The following PRH1 variants were observed in gnomAD, a reference collection of about 807,000 sequenced individuals.
PRH1 encodes proline rich protein HaeIII subfamily 1, also known as salivary acidic proline-rich phosphoprotein 1/2.
PRH1 carries 7 observed loss-of-function variants against 7.9 expected under a neutral mutation model. The observed-to-expected ratio is 0.89, with a 90% CI of 0.50 to 1.67. The LOEUF (loss-of-function observed/expected upper bound fraction) is 1.67, where lower values mean the gene tolerates loss of function less well. Among genes scored for constraint, PRH1 ranks in the 40% most tolerant of loss-of-function variants. PRH1 has a pLI of 0.00. For synonymous variants in PRH1, 45 were observed against 80.8 expected, an observed-to-expected ratio of 0.56 and a Z score of 2.38; for missense variants, 109 against 223.6, an observed-to-expected ratio of 0.49 and a Z score of 3.27.
At chr12:11,042,486 TAAAAAAAAAAA>T (rs140733298) in intron 1 of PRH1, among the ~76,000 whole-genome samples, 1 of 95,016 alleles carries the variant, frequency 1.1e-5, no homozygotes, top group African/African-American at 4.1e-5. Context: ...TCTCCCAGTT[TAAAAAAAAAAA>T]AAAAAAAAAG....
At chr12:10,917,274 G>C (rs1949985659) in intron 2 of PRH1, among the ~76,000 whole-genome samples, 1 of 152,056 alleles carries the variant, frequency 6.6e-6, no homozygotes, top group African/African-American at 2.4e-5. Context: ...TCTTCAGAGA[G>C]AAAAATTCCT....
chr12:10,983,122 T>G lies in PRH1; in HGVS notation c.-125-9401A>C, dbSNP rs74589771. Among the ~76,000 whole-genome samples, 1,361 of 152,268 alleles carry G rather than the reference T, an allele frequency of 8.9e-3. 16 individuals are homozygous for G. The highest frequency in any genetic ancestry group is 0.011 in the Non-Finnish European group (765 of 68,018). ...TTGCTACAGGCATGCATAGTGGGCA[T>G]TATAGGACTCTGTGCATGCCTCTCA... On this transcript the variant is annotated intron_variant, in intron 1 of 3. Transcript: ENST00000539853.
At chr12:11,067,339 TG>T (rs1316011882) in intron 1 of PRH1, among the ~76,000 whole-genome samples, 2 of 152,222 alleles carry the variant, frequency 1.3e-5, no homozygotes, top group African/African-American at 4.8e-5. Context: ...AGACACATTT[TG>T]GGATAATAGG....
chr12:11,010,672 C>A (rs375631633), intron 1 of PRH1, among the ~76,000 whole-genome samples: 1 of 151,760 alleles, frequency 6.6e-6, no homozygotes, highest in Non-Finnish European at 1.5e-5. Context: ...TGTGTCATAT[C>A]CTTTCCAAAA....
chr12:10,999,488 C>T (rs546457706), intron 1 of PRH1, among the ~76,000 whole-genome samples: 7 of 152,180 alleles, frequency 4.6e-5, no homozygotes, highest in South Asian at 4.1e-4. Flanking sequence ...ATAATTTTTA[C>T]GTGACATTTC....
At chr12:11,018,962 G>A (rs1941441500) in intron 1 of PRH1, among the ~76,000 whole-genome samples, 1 of 140,964 alleles carries the variant, frequency 7.1e-6, no homozygotes, top group Non-Finnish European at 1.6e-5. Context: ...TAAGTAGAAA[G>A]CGGGGAAACA....
intron 1 of PRH1, chr12:11,022,518 A>G: frequency 6.2e-7 from 1 of 1,613,742 alleles, no homozygotes. Context: ...CATTTCCAAG[A>G]ACAAATGCAA....
intron 1 of PRH1, among the ~76,000 whole-genome samples, chr12:11,028,339 T>G (rs1406166386): frequency 6.6e-6 from 1 of 152,206 alleles, no homozygotes; most frequent in East Asian, 1.9e-4. Context: ...CTTGTAGCCC[T>G]TCTGGAAAAG....
intron 1 of PRH1, among the ~76,000 whole-genome samples, chr12:11,010,530 T>A (rs2136040562): frequency 6.6e-6 from 1 of 152,078 alleles, no homozygotes; most frequent in Non-Finnish European, 1.5e-5. Context: ...ATGATTTACT[T>A]GATATTGTTT....
chr12:11,068,012 G>A (rs1260341454), intron 1 of PRH1, among the ~76,000 whole-genome samples: 1 of 147,046 alleles, frequency 6.8e-6, no homozygotes, highest in East Asian at 1.9e-4. Flanking sequence ...TGTATTTTAT[G>A]TTTCTGCTTT....
chr12:11,020,254 A>G (rs879362016), intron 1 of PRH1, among the ~76,000 whole-genome samples: 7 of 152,174 alleles, frequency 4.6e-5, no homozygotes, highest in Non-Finnish European at 8.8e-5. Context: ...TTTTTGACCA[A>G]CTATTCTTTG....
intron 1 of PRH1, among the ~76,000 whole-genome samples, chr12:11,071,605 T>G (rs1384125816): frequency 6.6e-6 from 1 of 152,106 alleles, no homozygotes; most frequent in Non-Finnish European, 1.5e-5. Flanking sequence ...GGTGACAGAG[T>G]TGATTACCCT....
intron 2 of PRH1, among the ~76,000 whole-genome samples, chr12:10,943,895 T>C (rs568103150): frequency 6.6e-6 from 1 of 152,332 alleles, no homozygotes; most frequent in African/African-American, 2.4e-5. Context: ...TGTGGCCTTA[T>C]TTCTGGGATC....
At chr12:11,133,120 T>TACACACACAC in intron 1 of PRH1, 3 of 496,930 alleles carry the variant, frequency 6.0e-6, no homozygotes, top group East Asian at 4.0e-5. Flanking sequence ...CAGTTTTTCA[T>TACACACACAC]ACACACACAC....
chr12:10,975,030 C>G (rs538486768), intron 1 of PRH1, among the ~76,000 whole-genome samples: 35 of 152,242 alleles, frequency 2.3e-4, no homozygotes, highest in African/African-American at 7.2e-4. Context: ...CATAATTGAG[C>G]AAGCTGGGGA....
rs1367079110 is a variant in PRH1 at position 11,097,462 on chromosome 12, T to C, written n.124-50274A>G. Among the ~76,000 whole-genome samples, 3 of 114,718 alleles carry C rather than the reference T, an allele frequency of 2.6e-5. 1 individual carries two copies. The highest frequency in any genetic ancestry group is 6.2e-5 in the Non-Finnish European group (3 of 48,334). The allele number at this position is 114,718 out of a possible 152,430, so 75.3% of individuals were successfully genotyped here. On this transcript the variant is annotated intron_variant and non_coding_transcript_variant, in intron 1 of 4. Transcript: ENST00000541977. ...TTGCTGTATCTTTCTTATTAAGGAA[T>C]TTTATTTACACGAAAATTAAATTGT...
At chr12:10,893,366 G>A (rs1236238440) in intron 2 of PRH1, among the ~76,000 whole-genome samples, 1 of 152,184 alleles carries the variant, frequency 6.6e-6, no homozygotes, top group Non-Finnish European at 1.5e-5. Flanking sequence ...GTTATCACAA[G>A]TAATACTTAT....
At chr12:11,048,395 GT>G, upstream of PRH1, 1 of 305,804 alleles carries the variant, frequency 3.3e-6, no homozygotes. Flanking sequence ...AGAAAGGTCT[GT>G]TTTGGCTTCC....
intron 2 of PRH1, chr12:10,896,995 T>C (rs945805103): frequency 2.0e-5 from 3 of 152,114 alleles, no homozygotes; most frequent in Non-Finnish European, 4.4e-5. Context: ...CTAAGCCACA[T>C]GTAAGTAGTC....
Sources: allele counts gnomAD v4.1 joint callset (sites outside exome capture counted in the v4.1 genomes callset), GRCh38; gene constraint gnomAD v4.1.1; transcripts MANE v1.5; gene names NCBI Gene and HGNC (gene_info 2026-07-23, HGNC 2026-07-21).